TET3: variants seen among roughly 807,000 people sequenced by gnomAD.
The protein encoded by TET3 is tet methylcytosine dioxygenase 3.
Under a neutral mutation model 141.4 loss-of-function variants are expected in TET3, and 19 were observed. The observed-to-expected ratio is 0.13, with a 90% CI of 0.09 to 0.20. The LOEUF (loss-of-function observed/expected upper bound fraction) is 0.20. TET3 is among the 10% of genes least tolerant of loss of function. The pLI is 1.00. For synonymous variants in TET3, 1,043 were observed against 980.9 expected (o/e 1.06, Z -1.18); for missense variants, 1,874 against 2,356.9 (o/e 0.80, Z 4.24).
chr2:74,113,013 A>C (rs1691741214), downstream of TET3, among the ~76,000 whole-genome samples: 1 of 144,032 alleles, frequency 6.9e-6, no homozygotes. Context: ...TCTCAAAAAA[A>C]AAAAAAAAAA....
At chr2:74,001,861 C>G (rs765705201) in intron 2 of TET3, among the ~76,000 whole-genome samples, 8 of 152,078 alleles carry the variant, frequency 5.3e-5, no homozygotes, top group Non-Finnish European at 1.0e-4. Context: ...TCTGGGGACC[C>G]TTGGGGTCTT....
At chr2:74,111,001 C>G (rs1184430918), downstream of TET3, among the ~76,000 whole-genome samples, 2 of 152,116 alleles carry the variant, frequency 1.3e-5, no homozygotes, top group Non-Finnish European at 2.9e-5. Flanking sequence ...AGGTCCATAC[C>G]ACTCACTCAC....
chr2:74,019,626 C>T (rs895711933), intron 3 of TET3, among the ~76,000 whole-genome samples: 1 of 152,194 alleles, frequency 6.6e-6, no homozygotes, highest in Non-Finnish European at 1.5e-5. Flanking sequence ...AACGCCGTGG[C>T]ATCAGATTGA....
downstream of TET3, among the ~76,000 whole-genome samples, chr2:74,111,595 T>C (rs910264359): frequency 6.6e-6 from 1 of 152,312 alleles, no homozygotes; most frequent in African/African-American, 2.4e-5. Context: ...ATTACAGATA[T>C]GGACTCCTCC....
chr2:74,003,269 A>G (rs1284939066), intron 3 of TET3, 103 bp downstream of exon 3: 11 of 1,458,908 alleles, frequency 7.5e-6, no homozygotes, highest in African/African-American at 1.4e-5. Context: ...TGATCCCTTA[A>G]TCTCCCACTG....
chr2:74,119,848 A>G, the TET3 span, among the ~76,000 whole-genome samples: 1 of 152,112 alleles, frequency 6.6e-6, no homozygotes, highest in Non-Finnish European at 1.5e-5. Flanking sequence ...TTTTATATTA[A>G]TATTAGTGTA....
intron 3 of TET3, among the ~76,000 whole-genome samples, chr2:74,026,724 AC>A (rs1686385181): frequency 6.9e-6 from 1 of 145,852 alleles, no homozygotes; most frequent in Non-Finnish European, 1.5e-5. Flanking sequence ...TTCCCCTCCA[AC>A]TTTTTTTTTT....
the TET3 span, among the ~76,000 whole-genome samples, chr2:74,113,367 C>T: frequency 2.2e-3 from 333 of 152,204 alleles, 1 homozygote; most frequent in African/African-American, 7.7e-3. Context: ...GCCTGGGTGA[C>T]AGTGTGAGAC....
chr2:74,120,212 C>A, the TET3 span, among the ~76,000 whole-genome samples: 1 of 152,174 alleles, frequency 6.6e-6, no homozygotes, highest in African/African-American at 2.4e-5. Context: ...TCCCGGCTCC[C>A]CCGCCCGCCC....
chr2:74,109,431 T>G (rs1428703012), downstream of TET3, among the ~76,000 whole-genome samples: 1 of 151,534 alleles, frequency 6.6e-6, no homozygotes, highest in Non-Finnish European at 1.5e-5. Flanking sequence ...TTAAACTATC[T>G]TTATCAGTAT....
At chr2:74,073,054 A>G (rs1375925861) in intron 4 of TET3, among the ~76,000 whole-genome samples, 1 of 152,222 alleles carries the variant, frequency 6.6e-6, no homozygotes, top group Non-Finnish European at 1.5e-5. Context: ...TGCTCTGAAC[A>G]TTGGCATACA....
intron 3 of TET3, among the ~76,000 whole-genome samples, chr2:74,040,613 CAGAA>C (rs1189039507): frequency 6.6e-6 from 1 of 151,978 alleles, no homozygotes; most frequent in Non-Finnish European, 1.5e-5. Flanking sequence ...GAAGTCCAGA[CAGAA>C]AGCAGACATT....
the TET3 span, among the ~76,000 whole-genome samples, chr2:74,119,845 TTAATA>T: frequency 3.3e-5 from 5 of 152,242 alleles, no homozygotes; most frequent in African/African-American, 9.6e-5. Context: ...TCCTTTTATA[TTAATA>T]TTAGTGTAGT....
rs986389868 is a variant in TET3, at chr2:74,099,605, G to A, written c.3597G>A (p.Ser1199=). ...CCCTGGAGCTGGCGGGCATTACGTC[G>A]GACCCAGGTGTGTGGGGGGAGGGTG... ...QEALELAGIT[S]DPGLSLKGGL... The change falls in exon 11 of 12, where the codon TCG becomes TCA. Residue 1199 remains serine, a synonymous_variant. Transcript: ENST00000409262. The A allele has an allele frequency of 1.3e-5, 21 of 1,568,146 alleles. No homozygotes were observed. The highest frequency in any genetic ancestry group is 2.7e-5 in the African/African-American group (2 of 73,790).
the TET3 span, among the ~76,000 whole-genome samples, chr2:74,133,972 T>G: frequency 6.6e-6 from 1 of 152,102 alleles, no homozygotes; most frequent in East Asian, 1.9e-4. Flanking sequence ...CTCAAACTCC[T>G]GACCTTGTGA....
chr2:73,986,750 C>T (rs1573616318), intron 2 of TET3, 44 bp downstream of exon 2: 2 of 1,227,706 alleles, frequency 1.6e-6, no homozygotes, highest in Non-Finnish European at 2.0e-6. Flanking sequence ...TCCTCGAGGG[C>T]ACGGTGATCA....
chr2:74,114,850 T>A, the TET3 span, among the ~76,000 whole-genome samples: 3 of 30,768 alleles, frequency 9.8e-5, no homozygotes, highest in South Asian at 2.6e-3. Context: ...AGAGACTCTG[T>A]CTCAAAAAAA....
intron 3 of TET3, among the ~76,000 whole-genome samples, chr2:74,013,591 C>G (rs1685579469): frequency 6.6e-6 from 1 of 151,790 alleles, no homozygotes. Flanking sequence ...GGGTGGATCA[C>G]GAGGTCAGGA....
At chr2:74,116,187 A>G in the TET3 span, among the ~76,000 whole-genome samples, 2 of 152,188 alleles carry the variant, frequency 1.3e-5, no homozygotes, top group Admixed American at 6.5e-5. Flanking sequence ...CAGGATAGCT[A>G]TTAACAAAAA....
Sources: gnomAD v4.1 joint callset for allele counts (sites outside exome capture counted in the v4.1 genomes callset) on GRCh38, gnomAD v4.1.1 for gene constraint, MANE v1.5 for transcripts, NCBI Gene and HGNC (gene_info 2026-07-23, HGNC 2026-07-21) for gene names.